Variants in RBFOX1 observed in about 807,000 individuals in gnomAD.
RBFOX1 encodes the protein RNA binding protein fox-1 homolog 1.
A neutral mutation model predicts 57.7 loss-of-function variants in RBFOX1; 8 were observed. That is an observed-to-expected ratio of 0.14 (90% confidence interval 0.08 to 0.25). The LOEUF (loss-of-function observed/expected upper bound fraction) is 0.25, where lower values mean the gene tolerates loss of function less well. RBFOX1 is among the 10% of genes least tolerant of loss of function. The pLI is 1.00. For missense variants in RBFOX1, 611 were observed against 548.5 expected (o/e 1.11, Z -1.14); for synonymous variants, 326 against 222.4 (o/e 1.47, Z -4.15).
intron 2 of RBFOX1, among the ~76,000 whole-genome samples, chr16:6,425,892 G>A (rs1433182516): frequency 6.6e-6 from 1 of 152,044 alleles, no homozygotes; most frequent in African/African-American, 2.4e-5. Context: ...CAATTCCGTG[G>A]TATTTAGTAC....
Position 5,686,921 on chromosome 16 carries a change from G to T in RBFOX1, c.318+87960G>T, listed in dbSNP as rs142936588. ...ATTTAATGAGCCTGGATTTACTTCA[G>T]TTTAAGCTTCGAATACTTCATCTTT... On this transcript the variant is annotated intron_variant, in intron 3 of 19. Coordinates refer to the RBFOX1 transcript ENST00000641259. Among the ~76,000 whole-genome samples, 1,273 of 152,206 alleles carry T rather than the reference G, an allele frequency of 8.4e-3. 23 individuals are homozygous for T. The highest frequency in any genetic ancestry group is 0.029 in the African/African-American group (1,221 of 41,510).
chr16:7,503,098 C>T (rs781641223), intron 4 of RBFOX1, among the ~76,000 whole-genome samples: 1 of 152,174 alleles, frequency 6.6e-6, no homozygotes. Context: ...TACTTTTTAT[C>T]TAGAATGTTT....
intron 3 of RBFOX1, chr16:6,775,923 C>T (rs997825800): frequency 2.0e-5 from 3 of 152,196 alleles, no homozygotes; most frequent in African/African-American, 7.2e-5. Flanking sequence ...TCCAAGTCTC[C>T]TGTGGGTGAC....
intron 1 of RBFOX1, among the ~76,000 whole-genome samples, chr16:5,454,766 TC>T: frequency 7.0e-6 from 1 of 142,044 alleles, no homozygotes; most frequent in African/African-American, 2.8e-5. Context: ...TTTCTTTCTT[TC>T]TCTTTCTTTC....
intron 4 of RBFOX1, among the ~76,000 whole-genome samples, chr16:5,872,129 C>T (rs2057489442): frequency 6.6e-6 from 1 of 152,180 alleles, no homozygotes; most frequent in African/African-American, 2.4e-5. Flanking sequence ...TACTAAAAGA[C>T]ACCAGTGCGT....
chr16:7,177,127 A>T (rs1196942803), intron 4 of RBFOX1, among the ~76,000 whole-genome samples: 1 of 152,218 alleles, frequency 6.6e-6, no homozygotes, highest in Non-Finnish European at 1.5e-5. Context: ...GAACTGTGCA[A>T]AGAACACGAC....
chr16:7,156,490 T>G (rs2077170529), intron 4 of RBFOX1, among the ~76,000 whole-genome samples: 1 of 152,030 alleles, frequency 6.6e-6, no homozygotes, highest in Non-Finnish European at 1.5e-5. Context: ...GATACACATC[T>G]ATGTGTGCAT....
intron 3 of RBFOX1, among the ~76,000 whole-genome samples, chr16:5,652,117 T>C (rs1429370474): frequency 1.3e-5 from 2 of 152,128 alleles, no homozygotes; most frequent in Non-Finnish European, 2.9e-5. Context: ...CTGGACAACA[T>C]AGTGAGACTC....
At position 7,330,004 on chromosome 16, in the gene RBFOX1, A is replaced by G. The variant is rs114145097; in HGVS notation, c.28-188143A>G. Among the ~76,000 whole-genome samples the G allele has an allele frequency of 2.9e-3, 437 of 152,306 alleles. 1 individual carries two copies. The highest frequency in any genetic ancestry group is 0.01 in the African/African-American group (424 of 41,564). On this transcript the variant is annotated intron_variant, in intron 4 of 15. Coordinates refer to ENST00000550418, the MANE Select transcript of RBFOX1 (RefSeq NM_018723.4). ...CTGGTCAGGCAATCTTGTACTGAAT[A>G]CTGTAGGTGATTGTATCTAAACATA...
chr16:7,011,067 C>T (rs1025857147), intron 3 of RBFOX1, among the ~76,000 whole-genome samples: 7 of 132,134 alleles, frequency 5.3e-5, no homozygotes, highest in South Asian at 2.3e-4. Flanking sequence ...AAAGCAAATT[C>T]ATTTTTTTTT....
chr16:6,959,796 G>C (rs982552442), intron 3 of RBFOX1, among the ~76,000 whole-genome samples: 1 of 152,154 alleles, frequency 6.6e-6, no homozygotes, highest in African/African-American at 2.4e-5. Flanking sequence ...AATTAGCCGG[G>C]TGTGTTGGCA....
At chr16:7,686,917 C>T (rs747126034) in intron 14 of RBFOX1, among the ~76,000 whole-genome samples, 1 of 152,008 alleles carries the variant, frequency 6.6e-6, no homozygotes, top group Non-Finnish European at 1.5e-5. Context: ...TTTGAATTTC[C>T]AAAACTCAGA....
chr16:7,461,271 G>A (rs952110601), intron 4 of RBFOX1, among the ~76,000 whole-genome samples: 1 of 151,760 alleles, frequency 6.6e-6, no homozygotes, highest in Non-Finnish European at 1.5e-5. Context: ...AGGTTCAAGC[G>A]ATTCTCCTGC....
intron 2 of RBFOX1, among the ~76,000 whole-genome samples, chr16:6,424,606 T>TGTGTGTGTGC (rs1555466634): frequency 1.0e-5 from 1 of 100,130 alleles, no homozygotes; most frequent in East Asian, 3.7e-4. Context: ...TTAAGAGCAC[T>TGTGTGTGTGC]GTGTGTGTGT....
At position 7,712,204 on chromosome 16, in the gene RBFOX1, G is replaced by A. The variant is rs962082681; in HGVS notation, c.*1459G>A. On this transcript the variant is annotated 3_prime_UTR_variant, in exon 16 of 16. Coordinates refer to ENST00000550418, the MANE Select transcript of RBFOX1 (RefSeq NM_018723.4). ...ACTTAAGTTGGGGTATCCGTCACGG[G>A]TCTTCCTGTTTTGTATTTAAATAAA... 1 of 152,512 alleles carries A rather than the reference G, an allele frequency of 6.6e-6. No individual in the cohort carries two copies. The highest frequency in any genetic ancestry group is 1.5e-5 in the Non-Finnish European group (1 of 68,052). 9.4% of individuals were successfully genotyped at this position (152,512 alleles called of 1,614,324 possible).
At chr16:5,490,508 T>A (rs2042791769) in intron 2 of RBFOX1, among the ~76,000 whole-genome samples, 1 of 152,178 alleles carries the variant, frequency 6.6e-6, no homozygotes, top group South Asian at 2.1e-4. Context: ...CCGGAGCCCT[T>A]TCAGGGAGAA....
intron 2 of RBFOX1, among the ~76,000 whole-genome samples, chr16:6,336,162 T>TATAC (rs1163284305): frequency 3.1e-4 from 5 of 16,168 alleles, no homozygotes; most frequent in Non-Finnish European, 7.2e-4. Flanking sequence ...TACATATATA[T>TATAC]ATATATATAT....
At chr16:7,053,400 C>G (rs1013159452) in intron 4 of RBFOX1, among the ~76,000 whole-genome samples, 2 of 152,104 alleles carry the variant, frequency 1.3e-5, no homozygotes, top group African/African-American at 4.8e-5. Flanking sequence ...CTGCTTTTTT[C>G]CTGTAGTCTG....
intron 3 of RBFOX1, among the ~76,000 whole-genome samples, chr16:5,733,411 A>T (rs946372218): frequency 1.3e-5 from 2 of 152,150 alleles, no homozygotes; most frequent in African/African-American, 2.4e-5. Flanking sequence ...TGATCCGAAG[A>T]TCAACTCCAA....
Sources: gnomAD v4.1 joint callset for allele counts (sites outside exome capture counted in the v4.1 genomes callset) on GRCh38, gnomAD v4.1.1 for gene constraint, MANE v1.5 for transcripts, NCBI Gene and HGNC (gene_info 2026-07-23, HGNC 2026-07-21) for gene names.